CA10: variants seen among roughly 807,000 people sequenced by gnomAD.
CA10 encodes the protein carbonic anhydrase 10 (inactive).
CA10 carries 14 observed loss-of-function variants against 44.2 expected under a neutral mutation model. That is an observed-to-expected ratio of 0.32 (90% CI 0.21 to 0.50). CA10 has a LOEUF of 0.50. Ranked by LOEUF, CA10 falls within the 20% of genes least tolerant of loss-of-function variation. The pLI, the probability that CA10 is intolerant of heterozygous loss-of-function variation, is 0.99. For synonymous variants in CA10, 159 were observed against 141.6 expected (o/e 1.12, Z -0.87); for missense variants, 350 against 409.7 (o/e 0.85, Z 1.26).
intron 3 of CA10, among the ~76,000 whole-genome samples, chr17:51,861,333 T>A (rs1266093313): frequency 6.6e-6 from 1 of 151,982 alleles, no homozygotes; most frequent in Admixed American, 6.6e-5. Context: ...ACCAGCCTCA[T>A]TGTGGAGATT....
chr17:51,817,417 T>C (rs1244033181), intron 3 of CA10, among the ~76,000 whole-genome samples: 1 of 152,164 alleles, frequency 6.6e-6, no homozygotes, highest in Non-Finnish European at 1.5e-5. Context: ...CCCTAGGCCT[T>C]ACTTTTCTCC....
intron 4 of CA10, among the ~76,000 whole-genome samples, chr17:51,711,947 AG>A (rs1282818560): frequency 6.6e-6 from 1 of 152,094 alleles, no homozygotes; most frequent in African/African-American, 2.4e-5. Flanking sequence ...GCTGGGGGAG[AG>A]GGGCAGCGGC....
intron 2 of CA10, among the ~76,000 whole-genome samples, chr17:51,989,457 G>T (rs1294286844): frequency 1.3e-5 from 2 of 151,850 alleles, no homozygotes; most frequent in African/African-American, 2.4e-5. Context: ...AAAGATAATG[G>T]CCTCAAAGGA....
At chr17:51,687,820 C>G (rs1385973610) in intron 4 of CA10, among the ~76,000 whole-genome samples, 1 of 152,114 alleles carries the variant, frequency 6.6e-6, no homozygotes, top group Non-Finnish European at 1.5e-5. Context: ...ACTGTGATAA[C>G]CCAATAAAGT....
chr17:51,850,508 A>G (rs1978747128), intron 3 of CA10, among the ~76,000 whole-genome samples: 1 of 152,170 alleles, frequency 6.6e-6, no homozygotes, highest in Non-Finnish European at 1.5e-5. Context: ...AGGTCTCTGT[A>G]ATAGGTGAGG....
At chr17:51,717,973 G>C (rs1384632950) in intron 4 of CA10, among the ~76,000 whole-genome samples, 1 of 147,954 alleles carries the variant, frequency 6.8e-6, no homozygotes, top group Non-Finnish European at 1.5e-5. Context: ...CTCAGGAATG[G>C]AAAATCATTG....
intron 4 of CA10, among the ~76,000 whole-genome samples, chr17:51,700,953 G>T (rs117339851): frequency 6.6e-6 from 1 of 152,136 alleles, no homozygotes; most frequent in East Asian, 1.9e-4. Context: ...GAGAGCATCA[G>T]GATTAATAGC....
chr17:52,049,052 A>G (rs1262471111), intron 2 of CA10, among the ~76,000 whole-genome samples: 1 of 152,080 alleles, frequency 6.6e-6, no homozygotes, highest in Non-Finnish European at 1.5e-5. Context: ...CATATATAAG[A>G]ATTATTTTGT....
chr17:52,048,889 G>A lies in CA10; in HGVS notation c.136+23430C>T, dbSNP rs117259031. Among the ~76,000 whole-genome samples, 124 of 151,790 alleles carry A rather than the reference G, an allele frequency of 8.2e-4. 4 individuals carry two copies. The East Asian group carries it at 0.023, about 28-fold the overall frequency. ...AAATGGGAGGTCATTGAAGGTTTTC[G>A]ATCAAGGGTATAATAGGATGCTGTT... On this transcript the variant is annotated intron_variant, in intron 2 of 8. Coordinates refer to ENST00000451037, the MANE Select transcript of CA10 (RefSeq NM_020178.5).
chr17:51,820,404 T>TCCC (rs1567850403), intron 3 of CA10, among the ~76,000 whole-genome samples: 9 of 21,606 alleles, frequency 4.2e-4, no homozygotes, highest in African/African-American at 1.4e-3. Flanking sequence ...GGGATTCCCC[T>TCCC]ACCCCCCCCC....
At chr17:51,697,069 A>G (rs896401828) in intron 4 of CA10, among the ~76,000 whole-genome samples, 2 of 149,490 alleles carry the variant, frequency 1.3e-5, no homozygotes, top group Non-Finnish European at 2.9e-5. Flanking sequence ...CTTAAGAGGT[A>G]ATAATGCAAC....
In CA10 at chr17:52,101,645, A is replaced by G. The variant is rs533609644; in HGVS notation, c.62-29252T>C. On this transcript the variant is annotated intron_variant, in intron 1 of 8. Coordinates refer to ENST00000451037, the MANE Select transcript of CA10 (RefSeq NM_020178.5). ...AAAAATTATAATATTTCTTATGTTA[A>G]CCAACAAAGTCTCTAGGTAGAGATT... is the stretch of plus-strand genomic sequence containing the variant. 1.4e-4 allele frequency among the ~76,000 whole-genome samples: 21 copies of G among 152,278 alleles called. 1 individual carries two copies. In the South Asian group the frequency reaches 4.4e-3, roughly 32 times the overall value.
intron 3 of CA10, among the ~76,000 whole-genome samples, chr17:51,779,227 C>T (rs891819554): frequency 5.9e-5 from 9 of 152,102 alleles, no homozygotes; most frequent in African/African-American, 2.2e-4. Context: ...TGTCTCGGGG[C>T]TCCCTGTTTG....
intron 4 of CA10, among the ~76,000 whole-genome samples, chr17:51,734,515 C>T (rs984133939): frequency 1.3e-5 from 2 of 152,152 alleles, no homozygotes; most frequent in Non-Finnish European, 2.9e-5. Flanking sequence ...TGGTGTCAGA[C>T]TGGACTGTTC....
intron 3 of CA10, among the ~76,000 whole-genome samples, chr17:51,898,217 C>CTT (rs1981156230): frequency 6.6e-6 from 1 of 151,848 alleles, no homozygotes; most frequent in Non-Finnish European, 1.5e-5. Context: ...ATAAGTGGCT[C>CTT]TTATTATTTT....
intron 4 of CA10, among the ~76,000 whole-genome samples, chr17:51,684,523 T>C (rs1274430844): frequency 3.3e-5 from 5 of 152,172 alleles, no homozygotes; most frequent in Non-Finnish European, 5.9e-5. Context: ...TCCCAAATCA[T>C]TTAACTACCC....
chr17:51,889,021 G>T (rs979998390), intron 3 of CA10, among the ~76,000 whole-genome samples: 6 of 152,124 alleles, frequency 3.9e-5, no homozygotes, highest in African/African-American at 1.4e-4. Context: ...CGGGAGCTCA[G>T]CTGGTGCTGC....
intron 4 of CA10, among the ~76,000 whole-genome samples, chr17:51,706,635 C>T (rs1915771005): frequency 6.6e-6 from 1 of 152,150 alleles, no homozygotes; most frequent in South Asian, 2.1e-4. Context: ...CATACCACTC[C>T]CCTGCTTGAA....
chr17:51,936,738 G>A (rs770695998), intron 2 of CA10, among the ~76,000 whole-genome samples: 23 of 139,718 alleles, frequency 1.6e-4, no homozygotes, highest in Non-Finnish European at 2.9e-4. Flanking sequence ...ACCATGGTCT[G>A]ATTTTTTAAT....
Sources: gnomAD v4.1 joint callset for allele counts (sites outside exome capture counted in the v4.1 genomes callset) on GRCh38, gnomAD v4.1.1 for gene constraint, MANE v1.5 for transcripts, NCBI Gene and HGNC (gene_info 2026-07-23, HGNC 2026-07-21) for gene names.